NRG3: variants seen among roughly 807,000 people sequenced by gnomAD.
NRG3 encodes the protein pro-neuregulin-3, membrane-bound isoform.
Under a neutral mutation model 66.9 loss-of-function variants are expected in NRG3, and 31 were observed. That is an observed-to-expected ratio of 0.46 (90% CI 0.35 to 0.63). The LOEUF (loss-of-function observed/expected upper bound fraction) is 0.63. NRG3 is among the 20% of genes least tolerant of loss of function. The pLI, the probability that NRG3 is intolerant of heterozygous loss-of-function variation, is 0.00. For missense variants in NRG3, 910 were observed against 878.9 expected, an observed-to-expected ratio of 1.04 and a Z score of -0.45; for synonymous variants, 393 against 359.4, an observed-to-expected ratio of 1.09 and a Z score of -1.06.
At chr10:82,787,111 ATGACCTATGTCTTGTAT>A (rs2060402118) in intron 3 of NRG3, among the ~76,000 whole-genome samples, 1 of 152,168 alleles carries the variant, frequency 6.6e-6, no homozygotes, top group African/African-American at 2.4e-5. Flanking sequence ...ACACACACCT[ATGACCTATGTCTTGTAT>A]TGTTTCTTAT....
intron 2 of NRG3, among the ~76,000 whole-genome samples, chr10:82,446,530 C>A (rs2090734784): frequency 6.6e-6 from 1 of 152,094 alleles, no homozygotes; most frequent in Non-Finnish European, 1.5e-5. Context: ...CAAACTAATG[C>A]AAAAACAGAA....
chr10:82,781,748 G>A (rs2060125552), intron 3 of NRG3, among the ~76,000 whole-genome samples: 1 of 152,020 alleles, frequency 6.6e-6, no homozygotes, highest in Admixed American at 6.6e-5. Flanking sequence ...AGTATGTGGT[G>A]GGGTCAGGGA....
At chr10:82,562,047 A>C (rs902723727) in intron 2 of NRG3, among the ~76,000 whole-genome samples, 1 of 152,182 alleles carries the variant, frequency 6.6e-6, no homozygotes, top group Non-Finnish European at 1.5e-5. Context: ...ACCTTCCTAC[A>C]TTTATTTGAT....
intron 1 of NRG3, among the ~76,000 whole-genome samples, chr10:81,959,058 C>T (rs1260842781): frequency 6.6e-6 from 1 of 151,948 alleles, no homozygotes; most frequent in Non-Finnish European, 1.5e-5. Context: ...AGTGTTTATC[C>T]TCCTGTTGCC....
chr10:82,482,779 T>C (rs902788918), intron 2 of NRG3, among the ~76,000 whole-genome samples: 1 of 152,208 alleles, frequency 6.6e-6, no homozygotes, highest in Admixed American at 6.5e-5. Context: ...TGAGGTTTTG[T>C]TAATCTTCAT....
intron 2 of NRG3, among the ~76,000 whole-genome samples, chr10:82,631,803 T>G (rs1055184568): frequency 1.3e-5 from 2 of 151,988 alleles, no homozygotes; most frequent in African/African-American, 4.8e-5. Flanking sequence ...AAAATAAAAT[T>G]TAAAAATAAC....
intron 1 of NRG3, among the ~76,000 whole-genome samples, chr10:82,336,757 A>G (rs1331226945): frequency 1.3e-5 from 2 of 152,072 alleles, no homozygotes; most frequent in African/African-American, 4.8e-5. Context: ...GTTATCTTTC[A>G]TACTCAAAAT....
At chr10:82,900,138 T>G (rs73309598) in intron 4 of NRG3, among the ~76,000 whole-genome samples, 5,998 of 152,052 alleles carry the variant, frequency 0.039, 138 homozygotes, top group Middle Eastern at 0.1. Context: ...AAAAGAGATC[T>G]CATGAGAAGT....
At chr10:82,879,467 C>CTTTTTTTTTTTT (rs201614818) in intron 4 of NRG3, among the ~76,000 whole-genome samples, 1 of 121,846 alleles carries the variant, frequency 8.2e-6, no homozygotes, top group Non-Finnish European at 1.7e-5. Context: ...CTAATGAAGA[C>CTTTTTTTTTTTT]TTTTTTTTTT....
intron 1 of NRG3, among the ~76,000 whole-genome samples, chr10:82,165,927 C>T (rs2072014592): frequency 6.6e-6 from 1 of 151,632 alleles, no homozygotes; most frequent in African/African-American, 2.4e-5. Flanking sequence ...TGTTTTCTTG[C>T]TATTCATTTT....
intron 1 of NRG3, among the ~76,000 whole-genome samples, chr10:82,072,548 T>C (rs17099339): frequency 0.024 from 3,601 of 152,272 alleles, 76 homozygotes; most frequent in Admixed American, 0.053. Flanking sequence ...TCTAGGACTT[T>C]GGTGAAATAA....
At chr10:82,920,204 G>A (rs1468603279) in intron 4 of NRG3, among the ~76,000 whole-genome samples, 1 of 150,290 alleles carries the variant, frequency 6.7e-6, no homozygotes, top group Non-Finnish European at 1.5e-5. Flanking sequence ...ATAAAGTACT[G>A]TACTCTAGTT....
At chr10:82,676,214 A>G (rs2053672742) in intron 2 of NRG3, among the ~76,000 whole-genome samples, 1 of 152,214 alleles carries the variant, frequency 6.6e-6, no homozygotes, top group Non-Finnish European at 1.5e-5. Context: ...CATGCTTTAA[A>G]AAAAACTATC....
intron 6 of NRG3, among the ~76,000 whole-genome samples, chr10:82,962,085 C>A (rs906942677): frequency 3.3e-5 from 5 of 152,146 alleles, no homozygotes; most frequent in Admixed American, 2.0e-4. Context: ...ATGCAAAACA[C>A]CTCGTCAAGT....
At chr10:82,598,398 T>A (rs988550055) in intron 2 of NRG3, among the ~76,000 whole-genome samples, 20 of 152,168 alleles carry the variant, frequency 1.3e-4, no homozygotes, top group Non-Finnish European at 2.6e-4. Context: ...AAGCCACAAA[T>A]GGGAGAAGGG....
chr10:82,778,797 T>A (rs1334044115), intron 3 of NRG3, among the ~76,000 whole-genome samples: 1 of 151,992 alleles, frequency 6.6e-6, no homozygotes, highest in Non-Finnish European at 1.5e-5. Flanking sequence ...AAGGCTAAAT[T>A]TCCGAGGAGT....
intron 2 of NRG3, among the ~76,000 whole-genome samples, chr10:82,611,516 G>C (rs1009542794): frequency 2.6e-5 from 4 of 152,122 alleles, no homozygotes; most frequent in African/African-American, 9.7e-5. Flanking sequence ...AGAATATGTG[G>C]TGTTTGGTTT....
intron 2 of NRG3, among the ~76,000 whole-genome samples, chr10:82,720,843 C>A (rs1301400525): frequency 1.3e-5 from 1 of 78,974 alleles, no homozygotes; most frequent in African/African-American, 8.7e-5. Context: ...ATATATATAT[C>A]ACCCATCACT....
intron 4 of NRG3, among the ~76,000 whole-genome samples, chr10:82,919,053 TA>T (rs1284265681): frequency 1.4e-5 from 2 of 143,574 alleles, no homozygotes; most frequent in Non-Finnish European, 3.0e-5. Flanking sequence ...GTAAGCTGAA[TA>T]GGGGTGGAGT....
Sources: allele counts gnomAD v4.1 joint callset (sites outside exome capture counted in the v4.1 genomes callset), GRCh38; gene constraint gnomAD v4.1.1; transcripts MANE v1.5; gene names NCBI Gene and HGNC (gene_info 2026-07-23, HGNC 2026-07-21).